Variants in TENM3 observed in about 807,000 individuals in gnomAD.
TENM3 encodes the protein teneurin transmembrane protein 3.
A neutral mutation model predicts 255.1 loss-of-function variants in TENM3; 63 were observed. That is an observed-to-expected ratio of 0.25 (90% CI 0.20 to 0.30). The LOEUF (loss-of-function observed/expected upper bound fraction) is 0.30. Among genes scored for constraint, TENM3 ranks in the 10% least tolerant of loss-of-function variants. The probability of loss-of-function intolerance (pLI) is 1.00; values close to 1 mark genes in which losing one functional copy is unlikely to be tolerated. For synonymous variants in TENM3, 1,306 were observed against 1,322.3 expected (o/e 0.99, Z 0.27); for missense variants, 2,929 against 3,461.1 (o/e 0.85, Z 3.86).
At chr4:181,847,809 T>C in the TENM3 span, among the ~76,000 whole-genome samples, 2 of 151,736 alleles carry the variant, frequency 1.3e-5, no homozygotes, top group Non-Finnish European at 2.9e-5. Context: ...TAAATTAGAG[T>C]TTCTTTTAAA....
At chr4:181,881,710 A>T in the TENM3 span, among the ~76,000 whole-genome samples, 1 of 152,166 alleles carries the variant, frequency 6.6e-6, no homozygotes, top group Non-Finnish European at 1.5e-5. Flanking sequence ...GACTTACAGA[A>T]CTATGACAGA....
chr4:181,523,288 C>T, the TENM3 span, among the ~76,000 whole-genome samples: 6 of 151,932 alleles, frequency 3.9e-5, no homozygotes, highest in East Asian at 1.9e-4. Context: ...CAAATGAGTG[C>T]GTTAAATATG....
chr4:181,919,579 G>A, the TENM3 span, among the ~76,000 whole-genome samples: 3 of 152,166 alleles, frequency 2.0e-5, no homozygotes, highest in Admixed American at 2.0e-4. Flanking sequence ...TTTGTTGAAA[G>A]TAGGTTGAAA....
chr4:181,605,496 A>G, the TENM3 span, among the ~76,000 whole-genome samples: 47 of 9,796 alleles, frequency 4.8e-3, no homozygotes, highest in African/African-American at 0.015. Flanking sequence ...GAAAGAAAGA[A>G]AGAAAGAAAG....
intron 1 of TENM3, among the ~76,000 whole-genome samples, chr4:182,289,722 T>A (rs1760986188): frequency 6.7e-6 from 1 of 149,842 alleles, no homozygotes; most frequent in African/African-American, 2.5e-5. Flanking sequence ...GAGTCTTGTA[T>A]CTGAGGCTTA....
chr4:182,420,724 GGATATAC>G (rs1770769373), intron 3 of TENM3, among the ~76,000 whole-genome samples: 1 of 152,150 alleles, frequency 6.6e-6, no homozygotes, highest in African/African-American at 2.4e-5. Flanking sequence ...ATTGATGAAT[GGATATAC>G]ACCAAACTAT....
the TENM3 span, among the ~76,000 whole-genome samples, chr4:181,513,969 A>G: frequency 1.3e-5 from 2 of 152,200 alleles, no homozygotes; most frequent in Non-Finnish European, 2.9e-5. Flanking sequence ...AGTTTACTAG[A>G]AAATAATTTT....
At chr4:181,477,865 T>C in the TENM3 span, among the ~76,000 whole-genome samples, 3 of 152,280 alleles carry the variant, frequency 2.0e-5, no homozygotes, top group African/African-American at 7.2e-5. Flanking sequence ...GAGTCTACAA[T>C]TTTGGTGTTA....
the TENM3 span, among the ~76,000 whole-genome samples, chr4:181,891,859 T>C: frequency 6.6e-6 from 1 of 152,156 alleles, no homozygotes; most frequent in Non-Finnish European, 1.5e-5. Flanking sequence ...TGTGATAGTA[T>C]GGCGGAAAGG....
chr4:182,459,624 G>T (rs1306403150), intron 3 of TENM3, among the ~76,000 whole-genome samples: 1 of 151,756 alleles, frequency 6.6e-6, no homozygotes, highest in East Asian at 1.9e-4. Flanking sequence ...TCATACAAAG[G>T]CAAAGCTCAG....
the TENM3 span, among the ~76,000 whole-genome samples, chr4:181,587,912 G>A: frequency 6.6e-6 from 1 of 152,144 alleles, no homozygotes; most frequent in Non-Finnish European, 1.5e-5. Context: ...GGGACCTGCA[G>A]CCATGACTTT....
intron 16 of TENM3, among the ~76,000 whole-genome samples, chr4:182,734,463 A>T (rs1277672744): frequency 6.6e-6 from 1 of 152,206 alleles, no homozygotes; most frequent in Non-Finnish European, 1.5e-5. Flanking sequence ...AGCGCAGAAG[A>T]TATTGATAGA....
chr4:182,323,945 G>A lies in TENM3; in HGVS notation c.-75-1G>A. On this transcript the variant is annotated splice_acceptor_variant, in intron 1 of 27. Coordinates refer to ENST00000511685, the MANE Select transcript of TENM3 (RefSeq NM_001080477.4). LOFTEE classifies it low-confidence loss of function (5UTR_SPLICE). Reference sequence around the variant, plus strand: ...CTCATGCAAACCTTGTATCTTCACAGAGAGGCCAATGAGACTTGAACCCTG... The same window carrying A: ...CTCATGCAAACCTTGTATCTTCACAAAGAGGCCAATGAGACTTGAACCCTG... The A allele has an allele frequency of 1.6e-6, 2 of 1,285,198 alleles. No individual in the cohort carries two copies. The highest frequency in any genetic ancestry group is 2.2e-6 in the Non-Finnish European group (2 of 908,730). 79.6% of individuals were successfully genotyped at this position (1,285,198 alleles called of 1,614,324 possible).
chr4:181,848,985 C>T, the TENM3 span, among the ~76,000 whole-genome samples: 1 of 152,206 alleles, frequency 6.6e-6, no homozygotes, highest in Non-Finnish European at 1.5e-5. Flanking sequence ...ATAGAACAAC[C>T]CACACATCCA....
the TENM3 span, among the ~76,000 whole-genome samples, chr4:181,866,022 A>G: frequency 6.6e-6 from 1 of 152,104 alleles, no homozygotes; most frequent in African/African-American, 2.4e-5. Context: ...GGTCTTAGTT[A>G]TTTTTCTAAA....
At chr4:181,989,374 A>G in the TENM3 span, among the ~76,000 whole-genome samples, 1 of 152,118 alleles carries the variant, frequency 6.6e-6, no homozygotes. Context: ...GCAAAAAGGC[A>G]TGTCTTTTCA....
At chr4:181,530,473 C>A in the TENM3 span, among the ~76,000 whole-genome samples, 456 of 152,230 alleles carry the variant, frequency 3.0e-3, 1 homozygote, top group African/African-American at 0.011. Context: ...AGTTGCAATG[C>A]ATGAGTTACA....
intron 3 of TENM3, among the ~76,000 whole-genome samples, chr4:182,353,912 C>T (rs1239047219): frequency 1.3e-5 from 2 of 151,660 alleles, no homozygotes; most frequent in Non-Finnish European, 2.9e-5. Context: ...TTGCAGTGAG[C>T]CGAGATCGTG....
chr4:182,778,035 T>G (rs752114436), intron 24 of TENM3, among the ~76,000 whole-genome samples: 3 of 152,068 alleles, frequency 2.0e-5, no homozygotes, highest in Non-Finnish European at 4.4e-5. Context: ...GGACGCAGAA[T>G]AAAGACAACC....
Sources: gnomAD v4.1 joint callset for allele counts (sites outside exome capture counted in the v4.1 genomes callset) on GRCh38, gnomAD v4.1.1 for gene constraint, MANE v1.5 for transcripts, NCBI Gene and HGNC (gene_info 2026-07-23, HGNC 2026-07-21) for gene names.